The following LRFN5 variants were observed in gnomAD, a reference collection of about 807,000 sequenced individuals.
LRFN5 encodes leucine-rich repeat and fibronectin type-III domain-containing protein 5.
Under a neutral mutation model 45.6 loss-of-function variants are expected in LRFN5, and 24 were observed. The ratio of observed to expected loss-of-function variants is 0.53; its 90% CI spans 0.38 to 0.74. The LOEUF (loss-of-function observed/expected upper bound fraction) is 0.74. Ranked by LOEUF, LRFN5 falls within the 30% of genes least tolerant of loss-of-function variation. LRFN5 has a pLI of 0.00. For synonymous variants in LRFN5, 340 were observed against 313.8 expected (o/e 1.08, Z -0.88); for missense variants, 776 against 861.5 (o/e 0.90, Z 1.24).
intron 1 of LRFN5, among the ~76,000 whole-genome samples, chr14:41,638,248 A>G (rs1329292269): frequency 6.6e-6 from 1 of 152,036 alleles, no homozygotes; most frequent in Non-Finnish European, 1.5e-5. Flanking sequence ...TTCATGTCAC[A>G]CTAGATATAA....
At chr14:41,816,765 A>T (rs1465231650) in intron 2 of LRFN5, among the ~76,000 whole-genome samples, 1 of 151,928 alleles carries the variant, frequency 6.6e-6, no homozygotes, top group Non-Finnish European at 1.5e-5. Flanking sequence ...TGACATATGT[A>T]CTGCTTGGTT....
chr14:41,669,961 GA>G (rs141299812), intron 1 of LRFN5, among the ~76,000 whole-genome samples: 7,202 of 143,000 alleles, frequency 0.05, 466 homozygotes, highest in East Asian at 0.28. Flanking sequence ...CTATATTAAA[GA>G]AAAAAATAGT....
chr14:41,839,238 C>A (rs556178107), intron 2 of LRFN5, among the ~76,000 whole-genome samples: 1 of 151,974 alleles, frequency 6.6e-6, no homozygotes, highest in African/African-American at 2.4e-5. Context: ...GAGTAGAAAT[C>A]GAAGTGAACA....
intron 1 of LRFN5, among the ~76,000 whole-genome samples, chr14:41,744,663 C>T (rs531391390): frequency 6.6e-6 from 1 of 152,004 alleles, no homozygotes; most frequent in Non-Finnish European, 1.5e-5. Flanking sequence ...AGTTTGGATC[C>T]AGAACACCAA....
chr14:41,677,263 C>T (rs921822968), intron 1 of LRFN5, among the ~76,000 whole-genome samples: 16 of 152,118 alleles, frequency 1.1e-4, no homozygotes, highest in Non-Finnish European at 1.6e-4. Flanking sequence ...ACAGCTACCA[C>T]CTGCAGGGGA....
chr14:41,637,677 A>T (rs1305677389), intron 1 of LRFN5, among the ~76,000 whole-genome samples: 1 of 152,146 alleles, frequency 6.6e-6, no homozygotes, highest in East Asian at 1.9e-4. Context: ...TTTGGAGGTC[A>T]TTAATATTAT....
chr14:41,890,338 A>T (rs1420984654), intron 3 of LRFN5, among the ~76,000 whole-genome samples: 1 of 152,174 alleles, frequency 6.6e-6, no homozygotes, highest in African/African-American at 2.4e-5. Flanking sequence ...TATTTTCATT[A>T]TCCTCATGTA....
At chr14:41,622,521 C>T (rs924347069) in intron 1 of LRFN5, among the ~76,000 whole-genome samples, 3 of 152,034 alleles carry the variant, frequency 2.0e-5, no homozygotes, top group South Asian at 2.1e-4. Context: ...TTATCAAATA[C>T]TGAATCTCTA....
chr14:41,884,744 T>C (rs1473725269), intron 2 of LRFN5, among the ~76,000 whole-genome samples: 1 of 152,086 alleles, frequency 6.6e-6, no homozygotes, highest in Non-Finnish European at 1.5e-5. Flanking sequence ...CCATGTTCCA[T>C]TGGACAGGTT....
At chr14:41,647,181 G>A (rs548227665) in intron 1 of LRFN5, among the ~76,000 whole-genome samples, 7 of 152,144 alleles carry the variant, frequency 4.6e-5, no homozygotes, top group Non-Finnish European at 7.4e-5. Context: ...TAGTGTATTT[G>A]GATAACATAC....
chr14:41,891,182 C>A, intron 3 of LRFN5, 68 bp from the exon 4 acceptor site: 2 of 1,231,430 alleles, frequency 1.6e-6, no homozygotes, highest in South Asian at 2.5e-5. Context: ...GAACTAAAGT[C>A]ATAATGACTT....
intron 2 of LRFN5, among the ~76,000 whole-genome samples, chr14:41,837,194 CAA>C (rs5808157): frequency 0.24 from 17,800 of 73,126 alleles, 239 homozygotes; most frequent in Middle Eastern, 0.32. Context: ...ACACACTCCA[CAA>C]AAAAAAAAAA....
intron 1 of LRFN5, among the ~76,000 whole-genome samples, chr14:41,647,301 A>C (rs1879864631): frequency 6.6e-6 from 1 of 152,158 alleles, no homozygotes; most frequent in South Asian, 2.1e-4. Context: ...TATAATGAAG[A>C]CCCAGCCTCA....
chr14:41,704,830 G>A (rs1298194155), intron 1 of LRFN5, among the ~76,000 whole-genome samples: 1 of 152,044 alleles, frequency 6.6e-6, no homozygotes, highest in African/African-American at 2.4e-5. Context: ...AAATAAAGAA[G>A]AAACCTATTA....
chr14:41,891,371 G>A lies in LRFN5; in HGVS notation c.1507G>A (p.Val503Met). ...CACTTCCCTCACTGCCACAAGAGTC[G>A]TGGGTTGCATCCAGTTTACTACGGA... is the stretch of plus-strand genomic sequence containing the variant. ...GITSLTATRV[V>M]GCIQFTTEQD... Residue 503 changes from valine (V) to methionine (M), a missense_variant, in exon 4 of 6, where the codon GTG (valine) becomes ATG (methionine). Val to Met is a conservative substitution (Grantham distance 21). Transcript: ENST00000298119. 1.2e-6 allele frequency: 2 copies of A among 1,614,070 alleles called. No homozygotes were observed. The highest frequency in any genetic ancestry group is 8.5e-7 in the Non-Finnish European group (1 of 1,180,014).
At chr14:41,864,268 A>G (rs1384945783) in intron 2 of LRFN5, among the ~76,000 whole-genome samples, 5 of 152,112 alleles carry the variant, frequency 3.3e-5, no homozygotes, top group Non-Finnish European at 5.9e-5. Flanking sequence ...CAATGGTTGA[A>G]CTAATTTACA....
chr14:41,832,587 G>A (rs1888523364), intron 2 of LRFN5, among the ~76,000 whole-genome samples: 2 of 152,138 alleles, frequency 1.3e-5, no homozygotes, highest in Admixed American at 1.3e-4. Context: ...GAGAGGAGCT[G>A]TTCACCTTTG....
intron 2 of LRFN5, among the ~76,000 whole-genome samples, chr14:41,846,721 T>C (rs1262205346): frequency 6.6e-6 from 1 of 152,164 alleles, no homozygotes; most frequent in Admixed American, 6.6e-5. Flanking sequence ...GTGTGAGCAA[T>C]GCTGTGTTCC....
At chr14:41,835,933 T>TTTA (rs376290650) in intron 2 of LRFN5, among the ~76,000 whole-genome samples, 6 of 146,476 alleles carry the variant, frequency 4.1e-5, no homozygotes, top group African/African-American at 1.5e-4. Flanking sequence ...TCTTTTTTTT[T>TTTA]AAAAAAAAAA....
Sources: gnomAD v4.1 joint callset for allele counts (sites outside exome capture counted in the v4.1 genomes callset) on GRCh38, gnomAD v4.1.1 for gene constraint, MANE v1.5 for transcripts, NCBI Gene and HGNC (gene_info 2026-07-23, HGNC 2026-07-21) for gene names.